Variants in NAPB observed in about 807,000 individuals in gnomAD.
NAPB encodes NSF attachment protein beta, also known as beta-soluble NSF attachment protein.
Under a neutral mutation model 44.7 loss-of-function variants are expected in NAPB, and 26 were observed. That is an observed-to-expected ratio of 0.58 (90% CI 0.43 to 0.81). The LOEUF (loss-of-function observed/expected upper bound fraction) is 0.81, where lower values mean the gene tolerates loss of function less well. Among genes scored for constraint, NAPB ranks in the 30% least tolerant of loss-of-function variants. The probability of loss-of-function intolerance (pLI) is 0.00; values close to 1 mark genes in which losing one functional copy is unlikely to be tolerated. For synonymous variants in NAPB, 120 were observed against 116.8 expected, an observed-to-expected ratio of 1.03 and a Z score of -0.18; for missense variants, 315 against 356.4, an observed-to-expected ratio of 0.88 and a Z score of 0.94.
intron 7 of NAPB, among the ~76,000 whole-genome samples, chr20:23,383,847 C>T (rs954074461): frequency 1.3e-5 from 2 of 152,160 alleles, no homozygotes; most frequent in Non-Finnish European, 2.9e-5. Context: ...AACATTGACT[C>T]ATGTGGTTCT....
rs189065582 is a variant in NAPB at position 23,383,325 on chromosome 20, T to A, written c.562-2008A>T. 6.6e-5 allele frequency among the ~76,000 whole-genome samples: 10 copies of A among 152,258 alleles called. No individual in the cohort carries two copies. In the East Asian group the frequency reaches 1.9e-3, roughly 29 times the overall value. On this transcript the variant is annotated intron_variant, in intron 7 of 10. Transcript: ENST00000377026. ...TATCCAAGCCACATTATAATTAAAC[T>A]TTTGAAACTAAAAGAAAAAAATTAT...
chr20:23,403,010 A>G lies in NAPB; in HGVS notation c.161T>C (p.Met54Thr). Residue 54 changes from methionine (M) to threonine (T), a missense_variant, in exon 2 of 11, where the codon ATG becomes ACG. Physicochemically the swap from Met to Thr is moderately conservative, Grantham distance 81. Transcript: ENST00000377026. ...MYTRAANMFKMAKNWSAAGNA... is the reference protein window; with the variant it reads ...MYTRAANMFKTAKNWSAAGNA... The stretch of plus-strand genomic sequence containing the variant: ...GTACATACCACTCCAATTTTTAGCC[A>G]TCTTGAACATATTTGCAGCTCTGGT... The G allele has an allele frequency of 6.2e-7, 1 of 1,613,874 alleles. No homozygotes were observed. Among genetic ancestry groups the G allele is most frequent in the Non-Finnish European group, 8.5e-7 (1 of 1,179,880 alleles).
chr20:23,383,196 C>A (rs1203696140), intron 7 of NAPB, among the ~76,000 whole-genome samples: 1 of 143,216 alleles, frequency 7.0e-6, no homozygotes, highest in Non-Finnish European at 1.5e-5. Context: ...TGAAAAAGTA[C>A]TTGAAGAAAT....
At chr20:23,417,328 C>A (rs1020652363) in intron 1 of NAPB, among the ~76,000 whole-genome samples, 7 of 152,228 alleles carry the variant, frequency 4.6e-5, no homozygotes, top group Non-Finnish European at 7.3e-5. Context: ...AAGTGATCCA[C>A]CCGCCTCGGC....
At chr20:23,379,686 C>T in intron 9 of NAPB, 181 bp downstream of exon 9, 2 of 665,996 alleles carry the variant, frequency 3.0e-6, no homozygotes, top group Non-Finnish European at 5.2e-6. Flanking sequence ...TTTCAGAACA[C>T]AACTACATGT....
intron 1 of NAPB, 73 bp from the exon 2 acceptor site, chr20:23,403,145 C>A: frequency 9.3e-7 from 1 of 1,074,170 alleles, no homozygotes; most frequent in Non-Finnish European, 1.4e-6. Flanking sequence ...AAATGATTAA[C>A]ATTTAGTATA....
intron 10 of NAPB, among the ~76,000 whole-genome samples, chr20:23,378,545 G>C (rs946719488): frequency 2.3e-4 from 35 of 150,366 alleles, no homozygotes; most frequent in Admixed American, 2.2e-3. Flanking sequence ...GGGTTCAAGA[G>C]ATTCTCCTGC....
chr20:23,412,897 G>A (rs536474282), intron 1 of NAPB, among the ~76,000 whole-genome samples: 3 of 152,318 alleles, frequency 2.0e-5, no homozygotes, highest in East Asian at 1.9e-4. Flanking sequence ...TGGGGAGGCT[G>A]AGGCAGGAGA....
Position 23,381,324 on chromosome 20 carries a change from A to C in NAPB, c.562-7T>G, listed in dbSNP as rs1357841821. On this transcript the variant is annotated splice_polypyrimidine_tract_variant and splice_region_variant and intron_variant, in intron 7 of 10. Coordinates refer to ENST00000377026, the MANE Select transcript of NAPB (RefSeq NM_022080.3). ...CCATTGTGTTTGCCCCAACCTAGGC[A>C]CAGAACGCAGAGTTAAATTTAAAAG... 6.5e-7 allele frequency: 1 copy of C among 1,543,384 alleles called. No individual in the cohort carries two copies. Among genetic ancestry groups the C allele is most frequent in the Admixed American group, 2.0e-5 (1 of 50,166 alleles).
rs376799465 is a variant in NAPB at position 23,395,193 on chromosome 20, G to A, written c.296-8C>T. On this transcript the variant is annotated splice_polypyrimidine_tract_variant and splice_region_variant and intron_variant, in intron 3 of 10. Transcript: ENST00000377026. ...TTAAGCAGTTGATAGCCTCTGAAGC[G>A]TAGGCATTTAAGAAAAACAATGAAA... 113 of 1,613,852 alleles carry A rather than the reference G, an allele frequency of 7.0e-5. No homozygotes were observed. Among genetic ancestry groups the A allele is most frequent in the Non-Finnish European group, 8.6e-5 (102 of 1,179,886 alleles).
At chr20:23,381,746 G>A (rs893976349) in intron 7 of NAPB, among the ~76,000 whole-genome samples, 1 of 152,122 alleles carries the variant, frequency 6.6e-6, no homozygotes, top group African/African-American at 2.4e-5. Flanking sequence ...AAAAAGAGAA[G>A]AGACAAAAGC....
chr20:23,378,330 T>C (rs1267754650), intron 10 of NAPB, among the ~76,000 whole-genome samples: 1 of 151,362 alleles, frequency 6.6e-6, no homozygotes, highest in Admixed American at 6.6e-5. Context: ...TTTCAAAATA[T>C]ATAAAAACAT....
intron 2 of NAPB, among the ~76,000 whole-genome samples, chr20:23,401,613 G>C (rs1440896594): frequency 6.6e-6 from 1 of 152,198 alleles, no homozygotes; most frequent in African/African-American, 2.4e-5. Context: ...GGGCACAGTG[G>C]TTCATGCCTA....
Position 23,376,162 on chromosome 20 carries a change from T to C in NAPB, c.*1214A>G, listed in dbSNP as rs1982500237. On this transcript the variant is annotated 3_prime_UTR_variant, in exon 11 of 11. Transcript: ENST00000377026. ...AATATAAATCATTTAACTATAAATA[T>C]TCAGAGGACATTCAGGAGACAAGCG... 1 of 151,184 alleles carries C rather than the reference T, an allele frequency of 6.6e-6. No homozygotes were observed. Among genetic ancestry groups the C allele is most frequent in the East Asian group, 1.9e-4 (1 of 5,152 alleles). 9.4% of individuals were successfully genotyped at this position (151,184 alleles called of 1,614,324 possible).
Position 23,421,359 on chromosome 20 carries a change from G to A in NAPB, c.44C>T (p.Ala15Val). ...GKEREAVQLM[A>V]EAEKRVKASH... ...GGCCTTGACTCGCTTCTCGGCCTCC[G>A]CCATCAGCTGTACTGCCTCACGCTC... The change falls in exon 1 of 11, where the codon GCG becomes GTG. Residue 15 changes from alanine (A) to valine (V), a missense_variant. This residue lies in a region of NAPB where 179 missense variants were observed against 182.5 expected (regional missense o/e 0.98). Coordinates refer to ENST00000377026, the MANE Select transcript of NAPB (RefSeq NM_022080.3). 6.4e-7 allele frequency: 1 copy of A among 1,559,566 alleles called. No individual in the cohort carries two copies.
chr20:23,392,340 A>T (rs568971867), intron 5 of NAPB, among the ~76,000 whole-genome samples: 1 of 152,164 alleles, frequency 6.6e-6, no homozygotes, highest in Non-Finnish European at 1.5e-5. Flanking sequence ...ACCATAGTAC[A>T]CCTGTTCTTT....
At chr20:23,407,072 C>T (rs1985304443) in intron 1 of NAPB, among the ~76,000 whole-genome samples, 1 of 152,224 alleles carries the variant, frequency 6.6e-6, no homozygotes, top group South Asian at 2.1e-4. Context: ...TGACACTTGA[C>T]TTCAAGTTCA....
chr20:23,411,189 T>C (rs1448503704), intron 1 of NAPB, among the ~76,000 whole-genome samples: 3 of 152,108 alleles, frequency 2.0e-5, no homozygotes, highest in Non-Finnish European at 4.4e-5. Context: ...AAGGCATGAA[T>C]CGAAATACTG....
chr20:23,387,290 T>A (rs1983601502), intron 7 of NAPB, among the ~76,000 whole-genome samples: 1 of 152,176 alleles, frequency 6.6e-6, no homozygotes, highest in African/African-American at 2.4e-5. Flanking sequence ...GCTATCACAC[T>A]TAATATGAAA....
Sources: allele counts gnomAD v4.1 joint callset (sites outside exome capture counted in the v4.1 genomes callset), GRCh38; gene constraint gnomAD v4.1.1; regional missense constraint gnomAD v4.1.1; transcripts MANE v1.5; gene names NCBI Gene and HGNC (gene_info 2026-07-23, HGNC 2026-07-21).